Variants in CAMLG observed in about 807,000 individuals in gnomAD.
CAMLG encodes the protein guided entry of tail-anchored proteins factor CAMLG.
CAMLG carries 23 observed loss-of-function variants against 28.9 expected under a neutral mutation model. That is an observed-to-expected ratio of 0.80 (90% CI 0.57 to 1.13). The LOEUF (loss-of-function observed/expected upper bound fraction) is 1.13, where lower values mean the gene tolerates loss of function less well. Among genes scored for constraint, CAMLG ranks in the 50% most tolerant of loss-of-function variants. CAMLG has a pLI of 0.00. For synonymous variants in CAMLG, 141 were observed against 146.5 expected, an observed-to-expected ratio of 0.96 and a Z score of 0.27; for missense variants, 367 against 371.9, an observed-to-expected ratio of 0.99 and a Z score of 0.11.
At chr5:134,742,932 G>A (rs967589824) in intron 2 of CAMLG, among the ~76,000 whole-genome samples, 2 of 152,098 alleles carry the variant, frequency 1.3e-5, no homozygotes, top group Non-Finnish European at 2.9e-5. Context: ...TAGAGATGGG[G>A]TTTCACCGTG....
chr5:134,744,937 C>T (rs1753028033), intron 3 of CAMLG, among the ~76,000 whole-genome samples: 1 of 152,068 alleles, frequency 6.6e-6, no homozygotes, highest in East Asian at 1.9e-4. Flanking sequence ...TAGACGATAG[C>T]CTAACTAGTG....
At chr5:134,743,946 A>T (rs760618615) in intron 2 of CAMLG, 41 bp from the exon 3 acceptor site, 17 of 864,958 alleles carry the variant, frequency 2.0e-5, no homozygotes, top group Non-Finnish European at 2.8e-5. Context: ...GATTTGAATG[A>T]TTATGTTGGA....
rs1457610561 is a variant in CAMLG, at chr5:134,738,730, T to A, written c.110T>A (p.Leu37His). Residue 37 changes from leucine to histidine, a missense_variant, in exon 1 of 4, where the codon CTC becomes CAC. Leu to His is a moderately conservative substitution (Grantham distance 99, BLOSUM62 -3). Transcript: ENST00000297156. ...GCGGAGCTGCGTCGGAGAAAGCTGC[T>A]CATGAACTCGGAACAGCGCATCAAC... ...RRAELRRRKL[L>H]MNSEQRINRI... 1.2e-6 allele frequency: 2 copies of A among 1,614,026 alleles called. No homozygotes were observed. The highest frequency in any genetic ancestry group is 1.7e-6 in the Non-Finnish European group (2 of 1,179,980).
At chr5:134,742,579 G>A (rs1207005056) in intron 2 of CAMLG, among the ~76,000 whole-genome samples, 4 of 152,116 alleles carry the variant, frequency 2.6e-5, no homozygotes, top group African/African-American at 9.7e-5. Context: ...GTACCATGAT[G>A]TAGTCATTTT....
rs1402032634 is a variant in CAMLG at position 134,738,587 on chromosome 5, C to T, written c.-34C>T. 3.2e-6 allele frequency: 5 copies of T among 1,546,864 alleles called. No individual in the cohort carries two copies. Among genetic ancestry groups the T allele is most frequent in the Non-Finnish European group, 4.4e-6 (5 of 1,147,486 alleles). On this transcript the variant is annotated 5_prime_UTR_variant, in exon 1 of 4. Transcript: ENST00000297156. ...CTCGCAGCGGCGGCCAACATCACCG[C>T]CACTGCCACCCCTCCCAGACTGTGG...
intron 3 of CAMLG, among the ~76,000 whole-genome samples, chr5:134,747,264 A>G (rs569806088): frequency 3.3e-5 from 5 of 152,236 alleles, no homozygotes; most frequent in African/African-American, 9.6e-5. Context: ...TTCTTGATGC[A>G]TTTCAAAGTA....
chr5:134,747,619 T>G (rs760719562), intron 3 of CAMLG, among the ~76,000 whole-genome samples: 1 of 151,286 alleles, frequency 6.6e-6, no homozygotes, highest in Non-Finnish European at 1.5e-5. Flanking sequence ...GTGCTGGGAT[T>G]ACAGGCATGA....
At chr5:134,744,087 G>T in intron 3 of CAMLG, 35 bp downstream of exon 3, 1 of 946,944 alleles carries the variant, frequency 1.1e-6, no homozygotes. Context: ...TCGATGATGT[G>T]TTTGGATTGA....
intron 3 of CAMLG, among the ~76,000 whole-genome samples, chr5:134,749,901 C>T (rs1034597853): frequency 6.6e-6 from 1 of 152,138 alleles, no homozygotes; most frequent in African/African-American, 2.4e-5. Flanking sequence ...GACAGAGTCT[C>T]CCTATGTTGC....
In CAMLG at chr5:134,750,793, C is replaced by T. The variant is rs773636346; in HGVS notation, c.734C>T (p.Ala245Val). 1 of 1,613,698 alleles carries T rather than the reference C, an allele frequency of 6.2e-7. No individual in the cohort carries two copies. Among genetic ancestry groups the T allele is most frequent in the Non-Finnish European group, 8.5e-7 (1 of 1,179,632 alleles). Residue 245 changes from alanine (A) to valine (V), a missense_variant, in exon 4 of 4, where the codon GCT becomes GTT. Physicochemically the swap from Ala to Val is moderately conservative, Grantham distance 64. Transcript: ENST00000297156. ...AAGATAAAGACAACAGTACTAACAG[C>T]TGCACTTCTATTGTCGGGAATTCCT... The part of the protein sequence containing the change: ...EKKIKTTVLT[A>V]ALLLSGIPAE...
At chr5:134,744,961 TG>T (rs1753028504) in intron 3 of CAMLG, among the ~76,000 whole-genome samples, 1 of 152,206 alleles carries the variant, frequency 6.6e-6, no homozygotes, top group African/African-American at 2.4e-5. Context: ...TCGAATTTTG[TG>T]GGAGCTTTTT....
rs1399017209 is a variant in CAMLG at position 134,738,754 on chromosome 5, A to C, written c.134A>C (p.Asn45Thr). 8 of 1,614,146 alleles carry C rather than the reference A, an allele frequency of 5.0e-6. No homozygotes were observed. The highest frequency in any genetic ancestry group is 6.8e-6 in the Non-Finnish European group (8 of 1,180,020). The change falls in exon 1 of 4, where the codon AAC becomes ACC. Residue 45 changes from asparagine (N) to threonine (T), a missense_variant. Asn to Thr is a moderately conservative substitution (Grantham distance 65). Coordinates refer to ENST00000297156, the MANE Select transcript of CAMLG (RefSeq NM_001745.4). ...CTCATGAACTCGGAACAGCGCATCA[A>C]CCGGATCATGGGCTTTCACAGGCCC... ...KLLMNSEQRI[N>T]RIMGFHRPGS... is the part of the protein sequence containing the mutation.
Position 134,751,409 on chromosome 5 carries a change from T to C in CAMLG, c.*459T>C, listed in dbSNP as rs937139350. The C allele has an allele frequency of 1.3e-5, 2 of 152,466 alleles. No individual in the cohort carries two copies. Among genetic ancestry groups the C allele is most frequent in the African/African-American group, 4.8e-5 (2 of 41,460 alleles). The allele number at this position is 152,466 out of a possible 1,614,324, so 9.4% of individuals were successfully genotyped here. On this transcript the variant is annotated 3_prime_UTR_variant, in exon 4 of 4. Coordinates refer to ENST00000297156, the MANE Select transcript of CAMLG (RefSeq NM_001745.4). The stretch of plus-strand genomic sequence containing the variant: ...AATGTTAACTCTGCACATTGTAACT[T>C]TTCTTGTTGAGTTAGTATCTTAATT...
intron 3 of CAMLG, among the ~76,000 whole-genome samples, chr5:134,747,442 C>T (rs1174066929): frequency 6.6e-6 from 1 of 151,982 alleles, no homozygotes; most frequent in Admixed American, 6.6e-5. Flanking sequence ...CTTCCGGGTT[C>T]ACACCATTCT....
chr5:134,747,314 C>T (rs1211223735), intron 3 of CAMLG, among the ~76,000 whole-genome samples: 1 of 152,038 alleles, frequency 6.6e-6, no homozygotes, highest in Non-Finnish European at 1.5e-5. Context: ...ACCCCTCTTA[C>T]ATAACACTGA....
intron 1 of CAMLG, among the ~76,000 whole-genome samples, chr5:134,740,015 A>C (rs947896161): frequency 6.6e-6 from 1 of 152,210 alleles, no homozygotes; most frequent in Admixed American, 6.5e-5. Context: ...AGCTAGGACC[A>C]CAGGTGTACA....
At chr5:134,740,391 A>C (rs1752968050) in intron 1 of CAMLG, among the ~76,000 whole-genome samples, 1 of 152,154 alleles carries the variant, frequency 6.6e-6, no homozygotes, top group Admixed American at 6.6e-5. Flanking sequence ...TTTTTAACCA[A>C]ATAAGCTAAG....
intron 1 of CAMLG, 36 bp from the exon 2 acceptor site, chr5:134,741,027 A>C (rs1230611637): frequency 1.4e-6 from 2 of 1,448,134 alleles, no homozygotes; most frequent in Non-Finnish European, 1.9e-6. Flanking sequence ...GCCAGTATGG[A>C]ATAAATACAT....
At position 134,750,835 on chromosome 5, in the gene CAMLG, G is replaced by C. The variant is rs375028714; in HGVS notation, c.776G>C (p.Arg259Pro). The C allele has an allele frequency of 1.9e-6, 3 of 1,613,706 alleles. No homozygotes were observed. The highest frequency in any genetic ancestry group is 1.3e-5 in the African/African-American group (1 of 75,042). The change falls in exon 4 of 4, where the codon CGA becomes CCA. Residue 259 changes from arginine (R) to proline (P), a missense_variant. Arg to Pro is a moderately radical substitution (Grantham distance 103). Transcript: ENST00000297156. ...GGAATTCCTGCCGAAGTGATAAATCGATCAATGGATACCTATAGCAAAATG... is the reference window on the plus strand; with the variant it reads ...GGAATTCCTGCCGAAGTGATAAATCCATCAATGGATACCTATAGCAAAATG... ...LSGIPAEVIN[R>P]SMDTYSKMGE...
Sources: gnomAD v4.1 joint callset for allele counts (sites outside exome capture counted in the v4.1 genomes callset) on GRCh38, gnomAD v4.1.1 for gene constraint, MANE v1.5 for transcripts, NCBI Gene and HGNC (gene_info 2026-07-23, HGNC 2026-07-21) for gene names.